The following RYK variants were observed in gnomAD, a reference collection of about 807,000 sequenced individuals.
RYK encodes receptor like tyrosine kinase.
Under a neutral mutation model 70.2 loss-of-function variants are expected in RYK, and 21 were observed. The ratio of observed to expected loss-of-function variants is 0.30; its 90% confidence interval spans 0.21 to 0.43. The LOEUF (loss-of-function observed/expected upper bound fraction) is 0.43. Ranked by LOEUF, RYK falls within the 20% of genes least tolerant of loss-of-function variation. The pLI, the probability that RYK is intolerant of heterozygous loss-of-function variation, is 1.00. For missense variants in RYK, 604 were observed against 753.3 expected (o/e 0.80, Z 2.32); for synonymous variants, 267 against 278.0 (o/e 0.96, Z 0.39).
chr3:134,196,582 A>AACACAC (rs57185535), intron 6 of RYK, among the ~76,000 whole-genome samples: 4,357 of 128,402 alleles, frequency 0.034, 70 homozygotes, highest in Middle Eastern at 0.064. Flanking sequence ...TCTGAAACAA[A>AACACAC]ACACACACAC....
intron 3 of RYK, among the ~76,000 whole-genome samples, chr3:134,210,579 T>A (rs976801764): frequency 6.6e-6 from 1 of 152,254 alleles, no homozygotes; most frequent in South Asian, 2.1e-4. Context: ...TGAATATGAC[T>A]GCCAGAAAAA....
At chr3:134,237,989 A>G (rs1027834202) in intron 1 of RYK, among the ~76,000 whole-genome samples, 1 of 152,200 alleles carries the variant, frequency 6.6e-6, no homozygotes, top group Non-Finnish European at 1.5e-5. Context: ...TGAATGCTAA[A>G]AGGAAAGTAA....
chr3:134,201,899 G>A (rs12485592), intron 6 of RYK, among the ~76,000 whole-genome samples: 12,872 of 152,118 alleles, frequency 0.085, 1,133 homozygotes, highest in South Asian at 0.32. Context: ...AGAAGTGTTT[G>A]TTATGAAAAT....
rs770960652 is a variant in RYK, at chr3:134,222,522, A to G, written c.250T>C (p.Tyr84His). ...RRLIGLDAEL[Y>H]YVRNDLISHY... ...CTAATAAGGTCATTTCTCACATAAT[A>G]AAGTTCTGCATCAAGACCTAGAAAA... is the stretch of plus-strand genomic sequence containing the variant. The change falls in exon 2 of 15, where the codon TAT becomes CAT. Residue 84 changes from tyrosine to histidine, a missense_variant. Physicochemically the swap from Tyr to His is moderately conservative, Grantham distance 83. This residue lies in a region of RYK where 466 missense variants were observed against 535.9 expected (regional missense o/e 0.87). Coordinates refer to ENST00000623711, the MANE Select transcript of RYK (RefSeq NM_002958.4). 5.6e-6 allele frequency: 9 copies of G among 1,610,794 alleles called. No individual in the cohort carries two copies. Among genetic ancestry groups the G allele is most frequent in the Non-Finnish European group, 7.6e-6 (9 of 1,177,730 alleles).
chr3:134,171,384 A>G (rs772705354), intron 13 of RYK, among the ~76,000 whole-genome samples: 3 of 152,350 alleles, frequency 2.0e-5, no homozygotes, highest in Non-Finnish European at 4.4e-5. Context: ...AAGAGACTCA[A>G]CGCTCTTGGA....
At position 134,190,513 on chromosome 3, in the gene RYK, G is replaced by A. The variant is rs1037506233; in HGVS notation, c.1015+1336C>T. On this transcript the variant is annotated intron_variant, in intron 8 of 14. Transcript: ENST00000623711. ...AAAGAGCATGTGTTCCTCCATACCC[G>A]TCAACCTAGAAATTATCTTTTTACT... 9.4e-5 allele frequency among the ~76,000 whole-genome samples: 14 copies of A among 149,660 alleles called. No homozygotes were observed. The East Asian group carries it at 1.3e-3, about 14-fold the overall frequency.
intron 13 of RYK, among the ~76,000 whole-genome samples, chr3:134,161,446 C>T (rs141250729): frequency 6.6e-6 from 1 of 152,292 alleles, no homozygotes; most frequent in East Asian, 1.9e-4. Flanking sequence ...CAAGCTGTGA[C>T]AACCCAAAAT....
chr3:134,166,086 T>G (rs1286711922), intron 13 of RYK, among the ~76,000 whole-genome samples: 1 of 152,250 alleles, frequency 6.6e-6, no homozygotes, highest in Non-Finnish European at 1.5e-5. Flanking sequence ...AGTGGCAGAA[T>G]GTGGTGGACT....
intron 8 of RYK, 133 bp downstream of exon 8, chr3:134,191,716 G>A: frequency 1.5e-6 from 1 of 668,750 alleles, no homozygotes; most frequent in Non-Finnish European, 2.3e-6. Flanking sequence ...TTTTATAAAA[G>A]AAAAACCATA....
chr3:134,179,794 C>A (rs961818328), intron 10 of RYK: 1 of 152,202 alleles, frequency 6.6e-6, no homozygotes, highest in African/African-American at 2.4e-5. Context: ...CCAAAGATTA[C>A]TTCTGTTTCT....
At chr3:134,158,965 T>A (rs1258727539) in intron 14 of RYK, among the ~76,000 whole-genome samples, 2 of 152,208 alleles carry the variant, frequency 1.3e-5, no homozygotes, top group African/African-American at 4.8e-5. Flanking sequence ...TGACGTAGCA[T>A]TCAATTTTCT....
intron 2 of RYK, among the ~76,000 whole-genome samples, chr3:134,217,809 T>A (rs921386733): frequency 6.6e-6 from 1 of 152,216 alleles, no homozygotes; most frequent in Non-Finnish European, 1.5e-5. Flanking sequence ...TTTCACTGTA[T>A]ACCCTTTATG....
intron 9 of RYK, among the ~76,000 whole-genome samples, chr3:134,188,168 T>TATATATATA (rs1553770174): frequency 5.2e-5 from 4 of 77,336 alleles, no homozygotes; most frequent in African/African-American, 1.9e-4. Flanking sequence ...TATATATATA[T>TATATATATA]TTTTTTTTTT....
intron 1 of RYK, among the ~76,000 whole-genome samples, chr3:134,230,243 C>T (rs374132003): frequency 3.9e-5 from 6 of 152,158 alleles, no homozygotes; most frequent in Admixed American, 3.3e-4. Context: ...CCTGCCACCA[C>T]GCCCGGCTAA....
chr3:134,207,909 G>C (rs2014263853), intron 4 of RYK, among the ~76,000 whole-genome samples: 1 of 152,174 alleles, frequency 6.6e-6, no homozygotes, highest in South Asian at 2.1e-4. Context: ...TTTCTTGCTA[G>C]TAACACCTAC....
intron 1 of RYK, among the ~76,000 whole-genome samples, chr3:134,248,439 G>C (rs566454373): frequency 1.3e-5 from 2 of 152,246 alleles, no homozygotes; most frequent in Admixed American, 6.5e-5. Flanking sequence ...TTTCCACCAT[G>C]ACATAATCAA....
At chr3:134,244,971 A>T (rs1425826948) in intron 1 of RYK, among the ~76,000 whole-genome samples, 1 of 152,184 alleles carries the variant, frequency 6.6e-6, no homozygotes, top group Non-Finnish European at 1.5e-5. Flanking sequence ...TCCATAAACC[A>T]GGAAGAGGGC....
chr3:134,195,282 T>A, intron 6 of RYK, 100 bp from the exon 7 acceptor site: 2 of 774,266 alleles, frequency 2.6e-6, no homozygotes, highest in South Asian at 3.1e-5. Flanking sequence ...AAAACCAGCC[T>A]AAAATCCTTA....
At chr3:134,206,580 A>G (rs529255916) in intron 5 of RYK, among the ~76,000 whole-genome samples, 6 of 152,294 alleles carry the variant, frequency 3.9e-5, no homozygotes, top group Non-Finnish European at 5.9e-5. Flanking sequence ...GATACTAAGC[A>G]ACTGCTGTTA....
Sources: gnomAD v4.1 joint callset for allele counts (sites outside exome capture counted in the v4.1 genomes callset) on GRCh38, gnomAD v4.1.1 for gene constraint, gnomAD v4.1.1 regional missense constraint, MANE v1.5 for transcripts, NCBI Gene and HGNC (gene_info 2026-07-23, HGNC 2026-07-21) for gene names.